The following CRACD variants were observed in gnomAD, a reference collection of about 807,000 sequenced individuals.
CRACD encodes capping protein inhibiting regulator of actin dynamics.
Under a neutral mutation model 106.8 loss-of-function variants are expected in CRACD, and 56 were observed. That is an observed-to-expected ratio of 0.52 (90% CI 0.42 to 0.66). The LOEUF is 0.66. Ranked by LOEUF, CRACD falls within the 30% of genes least tolerant of loss-of-function variation. The pLI is 0.00. For missense variants in CRACD, 1,730 were observed against 1,623.2 expected (o/e 1.07, Z -1.13); for synonymous variants, 754 against 670.8 (o/e 1.12, Z -1.92).
At chr4:56,175,339 C>T (rs1348320882) in intron 1 of CRACD, among the ~76,000 whole-genome samples, 6 of 152,138 alleles carry the variant, frequency 3.9e-5, no homozygotes, top group African/African-American at 1.2e-4. Context: ...GCATATGTTA[C>T]TTCCTATCTT....
At position 56,314,414 on chromosome 4, in the gene CRACD, G is replaced by C; in HGVS notation, c.912G>C (p.Glu304Asp). ...SLEAPGWEDAERREREERERL... is the reference protein window; with the variant it reads ...SLEAPGWEDADRREREERERL... Reference sequence around the variant, plus strand: ...AAGCGCCAGGTTGGGAGGACGCGGAGCGGAGGGAGCGTGAGGAGCGCGAGC... The same window carrying C: ...AAGCGCCAGGTTGGGAGGACGCGGACCGGAGGGAGCGTGAGGAGCGCGAGC... Residue 304 changes from glutamate to aspartate, a missense_variant, in exon 8 of 11, where the codon GAG becomes GAC. By Grantham distance (45) the Glu-to-Asp change is conservative. Around this residue, in one of 5 missense-constraint regions of CRACD, gnomAD observed 1,620 missense variants for 1,481.6 expected, o/e 1.09. Transcript: ENST00000682029. This position sits in a 1 kb window ranked among gnomAD's most constrained non-coding sequence, Gnocchi z 4.4. The C allele has an allele frequency of 6.5e-7, 1 of 1,545,258 alleles. No individual in the cohort carries two copies. The highest frequency in any genetic ancestry group is 8.7e-7 in the Non-Finnish European group (1 of 1,144,858).
intron 1 of CRACD, among the ~76,000 whole-genome samples, chr4:56,109,262 A>G (rs186202167): frequency 3.0e-4 from 45 of 152,358 alleles, no homozygotes; most frequent in African/African-American, 1.1e-3. Flanking sequence ...ATTAAAAGCT[A>G]ATGATTATTA....
intron 4 of CRACD, among the ~76,000 whole-genome samples, chr4:56,302,885 C>T (rs184624555): frequency 5.3e-5 from 8 of 152,234 alleles, no homozygotes; most frequent in Admixed American, 4.6e-4. Context: ...TCCAGCATTC[C>T]ACATTACAAC....
intron 2 of CRACD, among the ~76,000 whole-genome samples, chr4:56,198,674 T>A (rs1737737214): frequency 6.6e-6 from 1 of 152,192 alleles, no homozygotes; most frequent in Non-Finnish European, 1.5e-5. Flanking sequence ...CAGGGCCATG[T>A]CCCTTTATTG....
chr4:56,243,522 AAAC>A (rs1223577641), intron 2 of CRACD, among the ~76,000 whole-genome samples: 1 of 152,220 alleles, frequency 6.6e-6, no homozygotes, highest in Non-Finnish European at 1.5e-5. Flanking sequence ...CTATATTAAA[AAAC>A]AAAACACCTG....
intron 1 of CRACD, among the ~76,000 whole-genome samples, chr4:56,058,786 C>G (rs911339884): frequency 1.3e-5 from 2 of 152,122 alleles, no homozygotes; most frequent in African/African-American, 4.8e-5. Context: ...TCTGCACTAG[C>G]CTTTCCTTTT....
chr4:56,249,592 T>C (rs1050219995), intron 2 of CRACD, among the ~76,000 whole-genome samples: 4 of 152,298 alleles, frequency 2.6e-5, no homozygotes, highest in South Asian at 2.1e-4. Context: ...CTTACCAGAA[T>C]ACGAGGCACC....
intron 2 of CRACD, among the ~76,000 whole-genome samples, chr4:56,265,646 C>T (rs987775461): frequency 2.0e-5 from 3 of 152,038 alleles, no homozygotes; most frequent in Admixed American, 6.6e-5. Flanking sequence ...AGAGCAAATG[C>T]GATAACAGCA....
intron 2 of CRACD, among the ~76,000 whole-genome samples, chr4:56,265,736 A>G (rs1741983257): frequency 6.6e-6 from 1 of 152,230 alleles, no homozygotes; most frequent in Admixed American, 6.5e-5. Flanking sequence ...ATGTGCTGGT[A>G]CCAACCCATA....
chr4:56,132,778 G>C (rs1734869747), intron 1 of CRACD, among the ~76,000 whole-genome samples: 1 of 152,080 alleles, frequency 6.6e-6, no homozygotes, highest in African/African-American at 2.4e-5. Context: ...TAGTAGTCGT[G>C]GTAACTTGCT....
intron 1 of CRACD, among the ~76,000 whole-genome samples, chr4:56,160,001 G>A (rs1207808660): frequency 1.3e-5 from 2 of 151,712 alleles, no homozygotes; most frequent in Non-Finnish European, 2.9e-5. Flanking sequence ...GGCTGGTCTT[G>A]AACTCCCAAC....
At chr4:56,274,666 A>G (rs185307121) in intron 3 of CRACD, among the ~76,000 whole-genome samples, 1 of 125,250 alleles carries the variant, frequency 8.0e-6, no homozygotes, top group East Asian at 2.2e-4. Context: ...GACGTGTACT[A>G]TATTTTAATT....
chr4:56,085,229 G>A (rs1336369301), intron 1 of CRACD, among the ~76,000 whole-genome samples: 4 of 152,276 alleles, frequency 2.6e-5, no homozygotes, highest in South Asian at 2.1e-4. Context: ...TGTGTGCTGC[G>A]CATGACTAAA....
At chr4:56,307,020 GAGGAAGGCTGCGGA>G (rs1349626922) in intron 4 of CRACD, among the ~76,000 whole-genome samples, 2 of 152,220 alleles carry the variant, frequency 1.3e-5, no homozygotes, top group Non-Finnish European at 2.9e-5. Context: ...AAGGGCTGGT[GAGGAAGGCTGCGGA>G]AGTATAAATC....
chr4:56,282,851 T>A (rs1247943684), intron 3 of CRACD, among the ~76,000 whole-genome samples: 1 of 152,182 alleles, frequency 6.6e-6, no homozygotes, highest in Non-Finnish European at 1.5e-5. Context: ...TGCTTTTCAT[T>A]GTTCCTTTCG....
intron 1 of CRACD, among the ~76,000 whole-genome samples, chr4:56,157,722 C>T (rs1365102727): frequency 2.6e-5 from 4 of 152,108 alleles, no homozygotes; most frequent in African/African-American, 9.7e-5. Context: ...AGGGGAGTCC[C>T]ATTTCAGTGT....
intron 1 of CRACD, among the ~76,000 whole-genome samples, chr4:56,124,517 T>C (rs1187262478): frequency 6.6e-6 from 1 of 152,208 alleles, no homozygotes; most frequent in East Asian, 1.9e-4. Flanking sequence ...AATAATTCCT[T>C]AATATCTAAT....
chr4:56,057,809 T>TTG (rs1732133524), intron 1 of CRACD, among the ~76,000 whole-genome samples: 1 of 60,578 alleles, frequency 1.7e-5, no homozygotes, highest in Admixed American at 1.4e-4. Flanking sequence ...ATTTTTTTTT[T>TTG]TTTTGTTTTT....
intron 1 of CRACD, among the ~76,000 whole-genome samples, chr4:56,108,739 A>T (rs957012785): frequency 2.0e-5 from 3 of 152,236 alleles, no homozygotes; most frequent in African/African-American, 7.2e-5. Flanking sequence ...CTTCCCTTTT[A>T]GGTAGCTGAA....
Sources: gnomAD v4.1 joint callset for allele counts (sites outside exome capture counted in the v4.1 genomes callset) on GRCh38, gnomAD v4.1.1 for gene constraint, gnomAD v4.1.1 regional missense constraint, Gnocchi (gnomAD v3.1) non-coding constraint, MANE v1.5 for transcripts, NCBI Gene and HGNC (gene_info 2026-07-23, HGNC 2026-07-21) for gene names.